Variants in CDH13 observed in about 807,000 individuals in gnomAD.
The protein encoded by CDH13 is cadherin 13, also known as cadherin-13.
Under a neutral mutation model 63.8 loss-of-function variants are expected in CDH13, and 24 were observed. The observed-to-expected ratio is 0.38, with a 90% CI of 0.27 to 0.53. CDH13 has a LOEUF of 0.53. Ranked by LOEUF, CDH13 falls within the 20% of genes least tolerant of loss-of-function variation. CDH13 has a pLI of 0.85. For synonymous variants in CDH13, 503 were observed against 355.3 expected (o/e 1.42, Z -4.67); for missense variants, 1,049 against 903.1 (o/e 1.16, Z -2.07).
chr16:83,604,874 G>GA (rs926228169), intron 8 of CDH13, among the ~76,000 whole-genome samples: 2 of 151,918 alleles, frequency 1.3e-5, no homozygotes, highest in African/African-American at 4.8e-5. Flanking sequence ...TGTGACTTAG[G>GA]AAAAAAAGAA....
At chr16:83,336,787 G>A (rs1294071765) in intron 5 of CDH13, among the ~76,000 whole-genome samples, 1 of 152,190 alleles carries the variant, frequency 6.6e-6, no homozygotes, top group South Asian at 2.1e-4. Flanking sequence ...TGTGTGTCAT[G>A]CTTTGTTTCT....
At chr16:83,158,884 C>T (rs1167291106) in intron 4 of CDH13, among the ~76,000 whole-genome samples, 2 of 152,202 alleles carry the variant, frequency 1.3e-5, no homozygotes, top group Non-Finnish European at 2.9e-5. Context: ...TGGGCTTCTT[C>T]GCAGCAGCCT....
At chr16:83,064,657 A>G (rs2031852515) in intron 3 of CDH13, among the ~76,000 whole-genome samples, 1 of 152,196 alleles carries the variant, frequency 6.6e-6, no homozygotes, top group South Asian at 2.1e-4. Flanking sequence ...TCACTTTCCA[A>G]TTCAGACTAG....
At chr16:83,080,871 G>GTTTTTTTTTTTGTTTTTTTTTTTT (rs2033185148) in intron 3 of CDH13, among the ~76,000 whole-genome samples, 4 of 46,954 alleles carry the variant, frequency 8.5e-5, no homozygotes, top group Non-Finnish European at 1.4e-4. Flanking sequence ...TTGTTTTTGT[G>GTTTTTTTTTTTGTTTTTTTTTTTT]TTTTTTTTTT....
At chr16:83,616,365 A>T (rs988165485) in intron 8 of CDH13, among the ~76,000 whole-genome samples, 1 of 152,148 alleles carries the variant, frequency 6.6e-6, no homozygotes, top group African/African-American at 2.4e-5. Context: ...TATATTCGTG[A>T]TGTGTTGATC....
intron 2 of CDH13, among the ~76,000 whole-genome samples, chr16:82,917,321 A>G (rs2042021233): frequency 6.6e-6 from 1 of 152,164 alleles, no homozygotes; most frequent in African/African-American, 2.4e-5. Context: ...AAGGTGCCCT[A>G]GTTTTGGGGA....
chr16:82,974,073 C>A lies in CDH13; in HGVS notation c.158-57937C>A, dbSNP rs1384390703. 3.9e-5 allele frequency among the ~76,000 whole-genome samples: 6 copies of A among 152,274 alleles called. No homozygotes were observed. The East Asian group carries it at 1.2e-3, about 29-fold the overall frequency. ...TAATCCCTGGGATTACGGGCACCCA[C>A]TACCATGCCCAGCCAACTGTTTTGT... On this transcript the variant is annotated intron_variant, in intron 2 of 13. Coordinates refer to ENST00000567109, the MANE Select transcript of CDH13 (RefSeq NM_001257.5).
intron 6 of CDH13, among the ~76,000 whole-genome samples, chr16:83,434,808 C>T (rs965871759): frequency 7.3e-6 from 1 of 136,928 alleles, no homozygotes; most frequent in Admixed American, 7.4e-5. Context: ...TCAACAGCCT[C>T]ATACCTGGCA....
At chr16:83,122,156 T>C (rs2035613513) in intron 3 of CDH13, among the ~76,000 whole-genome samples, 1 of 152,202 alleles carries the variant, frequency 6.6e-6, no homozygotes, top group African/African-American at 2.4e-5. Flanking sequence ...ATATTGGAAA[T>C]GATATTCTTT....
chr16:83,408,759 G>C (rs141974344), intron 6 of CDH13, among the ~76,000 whole-genome samples: 87 of 152,304 alleles, frequency 5.7e-4, no homozygotes, highest in Middle Eastern at 3.4e-3. Flanking sequence ...GTTAAAGCAA[G>C]TCAGCCTAGT....
chr16:82,835,583 T>C (rs189251452), intron 1 of CDH13, among the ~76,000 whole-genome samples: 37 of 152,320 alleles, frequency 2.4e-4, no homozygotes, highest in Admixed American at 5.2e-4. Flanking sequence ...ATTCCGCTGC[T>C]GGTTATTTAA....
intron 7 of CDH13, among the ~76,000 whole-genome samples, chr16:83,530,595 A>G (rs2075061817): frequency 6.6e-6 from 1 of 152,192 alleles, no homozygotes; most frequent in African/African-American, 2.4e-5. Context: ...CCAGGCTTTC[A>G]CATCAACCAC....
At chr16:82,752,128 C>G (rs2034441211) in intron 1 of CDH13, among the ~76,000 whole-genome samples, 1 of 152,174 alleles carries the variant, frequency 6.6e-6, no homozygotes, top group Non-Finnish European at 1.5e-5. Context: ...ATACCATAAG[C>G]TAACAAGGCA....
intron 6 of CDH13, among the ~76,000 whole-genome samples, chr16:83,365,035 A>T (rs929228104): frequency 6.6e-6 from 1 of 152,230 alleles, no homozygotes; most frequent in African/African-American, 2.4e-5. Flanking sequence ...CCTATGTAAT[A>T]AACCTACACG....
At chr16:82,673,170 C>G (rs1317660994) in intron 1 of CDH13, among the ~76,000 whole-genome samples, 1 of 151,596 alleles carries the variant, frequency 6.6e-6, no homozygotes, top group East Asian at 1.9e-4. Context: ...TTCTTGTGCC[C>G]CCATCAGTGT....
intron 8 of CDH13, among the ~76,000 whole-genome samples, chr16:83,660,835 T>G (rs1913372085): frequency 6.6e-6 from 1 of 152,194 alleles, no homozygotes; most frequent in South Asian, 2.1e-4. Flanking sequence ...AACAAATGTG[T>G]TTTGCATTTT....
intron 7 of CDH13, among the ~76,000 whole-genome samples, chr16:83,545,563 C>T (rs960514841): frequency 3.9e-5 from 6 of 152,278 alleles, no homozygotes; most frequent in Non-Finnish European, 8.8e-5. Flanking sequence ...GCCTCCAGTC[C>T]ATTACCCTTG....
At chr16:82,700,955 G>C (rs74028557) in intron 1 of CDH13, among the ~76,000 whole-genome samples, 1,036 of 10,298 alleles carry the variant, frequency 0.1, 43 homozygotes, top group East Asian at 0.21. Flanking sequence ...GCTGGAACCC[G>C]CCCCCCCCCC....
At chr16:83,750,676 G>A (rs182720027) in intron 11 of CDH13, among the ~76,000 whole-genome samples, 4 of 152,310 alleles carry the variant, frequency 2.6e-5, no homozygotes, top group Admixed American at 2.6e-4. Context: ...AGAGATCAGG[G>A]TGATGCTTCT....
Sources: gnomAD v4.1 joint callset for allele counts (sites outside exome capture counted in the v4.1 genomes callset) on GRCh38, gnomAD v4.1.1 for gene constraint, MANE v1.5 for transcripts, NCBI Gene and HGNC (gene_info 2026-07-23, HGNC 2026-07-21) for gene names.